The following PCGF3 variants were observed in gnomAD, a reference collection of about 807,000 sequenced individuals.
PCGF3 encodes polycomb group ring finger 3, also known as polycomb group RING finger protein 3.
In PCGF3, 7 loss-of-function variants were observed where a neutral mutation model predicts 33.1. The observed-to-expected ratio is 0.21, with a 90% confidence interval of 0.12 to 0.40. PCGF3 has a LOEUF of 0.40. Ranked by LOEUF, PCGF3 falls within the 10% of genes least tolerant of loss-of-function variation. The pLI is 1.00. For synonymous variants in PCGF3, 153 were observed against 121.3 expected (o/e 1.26, Z -1.72); for missense variants, 211 against 313.3 (o/e 0.67, Z 2.46).
At position 751,420 on chromosome 4, in the gene PCGF3, T is replaced by A. The variant is rs113744523; in HGVS notation, c.462+6732T>A. Among the ~76,000 whole-genome samples the A allele has an allele frequency of 3.3e-4, 51 of 152,254 alleles. 1 individual carries two copies. The highest frequency in any genetic ancestry group is 1.2e-3 in the African/African-American group (50 of 41,542). ...TTTGTGGCCGTTTCTGGTGTCTTCCTGGTGTGTTTGGATTTGTGCTTCGCC... is the reference window on the plus strand; with the variant it reads ...TTTGTGGCCGTTTCTGGTGTCTTCCAGGTGTGTTTGGATTTGTGCTTCGCC... On this transcript the variant is annotated intron_variant, in intron 8 of 10. Transcript: ENST00000362003.
intron 3 of PCGF3, chr4:732,335 T>TCCTCCTCTCCCTTCCCTTCC (rs1743619244): frequency 1.3e-5 from 1 of 77,906 alleles, no homozygotes; most frequent in Non-Finnish European, 3.1e-5. Context: ...TCCCCTTCCC[T>TCCTCCTCTCCCTTCCCTTCC]CCTCCCCTCC....
In PCGF3 at chr4:723,265, G is replaced by C. The variant is rs576170839; in HGVS notation, c.-189-7365G>C. ...AGGCTCCTAGCCGCTGCAGTTGCCG[G>C]GAGCCATGGAGCCACGTGACCTTGA... On this transcript the variant is annotated intron_variant, in intron 1 of 10. Coordinates refer to ENST00000362003, the Ensembl canonical transcript of PCGF3. Among the ~76,000 whole-genome samples the C allele has an allele frequency of 3.2e-4, 49 of 152,358 alleles. 1 individual carries two copies. The South Asian group carries it at 0.01, about 32-fold the overall frequency.
At chr4:731,189 C>A (rs1428107975) in intron 3 of PCGF3, 79 bp downstream of exon 3, 1 of 398,456 alleles carries the variant, frequency 2.5e-6, no homozygotes, top group Non-Finnish European at 4.4e-6. Context: ...CGAGGGCCGG[C>A]GATCATTAGG....
At chr4:734,538 T>C in intron 4 of PCGF3, 1 of 1,177,430 alleles carries the variant, frequency 8.5e-7, no homozygotes. Flanking sequence ...TATGTTAGGT[T>C]ATTTTCATTT....
chr4:737,467 C>T, exon 6 of PCGF3: 3 of 1,604,112 alleles, frequency 1.9e-6, no homozygotes, highest in Non-Finnish European at 2.6e-6. Context: ...TTTTGCCAGT[C>T]ATGACAGAAC....
chr4:761,404 A>G (rs2152621584), exon 9 of PCGF3: 1 of 1,608,068 alleles, frequency 6.2e-7, no homozygotes, highest in African/African-American at 1.3e-5. Flanking sequence ...TCAACCTTTC[A>G]TCCTTTAACG....
chr4:708,610 C>T (rs1481501273), intron 1 of PCGF3, among the ~76,000 whole-genome samples: 1 of 152,212 alleles, frequency 6.6e-6, no homozygotes, highest in Non-Finnish European at 1.5e-5. Context: ...CTCAGGCTGG[C>T]ACTGCACCCT....
chr4:725,982 C>T (rs575699300), intron 1 of PCGF3, among the ~76,000 whole-genome samples: 2 of 152,280 alleles, frequency 1.3e-5, no homozygotes, highest in South Asian at 2.1e-4. Context: ...GTCGTCCCAG[C>T]CTCTTCCGAG....
At chr4:725,802 T>C (rs1012967561) in intron 1 of PCGF3, among the ~76,000 whole-genome samples, 6 of 152,150 alleles carry the variant, frequency 3.9e-5, no homozygotes, top group Non-Finnish European at 7.4e-5. Flanking sequence ...CTGCCCCTCC[T>C]GTCCAGCCTC....
rs1745026152 is a variant in PCGF3, at chr4:761,026, C to T, written c.463-253C>T. On this transcript the variant is annotated intron_variant, in intron 8 of 10. Coordinates refer to ENST00000362003, the Ensembl canonical transcript of PCGF3. Reference sequence around the variant, plus strand: ...GATAAGTAACTGTGGGATTAACTCTCAACTATTATGTTAATAACACAGAAT... The same window carrying T: ...GATAAGTAACTGTGGGATTAACTCTTAACTATTATGTTAATAACACAGAAT... 2.0e-5 allele frequency among the ~76,000 whole-genome samples: 3 copies of T among 152,192 alleles called. No individual in the cohort carries two copies. The South Asian group carries it at 6.2e-4, about 32-fold the overall frequency.
chr4:764,832 A>G, intron 9 of PCGF3, 152 bp from the exon 10 acceptor site: 1 of 608,362 alleles, frequency 1.6e-6, no homozygotes, highest in Non-Finnish European at 3.0e-6. Context: ...GTAGGGATGG[A>G]GGAATACATG....
chr4:764,822 G>A (rs1745272549), intron 9 of PCGF3, 162 bp from the exon 10 acceptor site: 6 of 596,824 alleles, frequency 1.0e-5, no homozygotes, highest in South Asian at 9.9e-5. Flanking sequence ...AGGCTGTGAG[G>A]TAGGGATGGA....
At position 743,440 on chromosome 4, in the gene PCGF3, G is replaced by C. The variant is rs1339714857; in HGVS notation, c.263-34G>C. ...AGAAGTTTAATAGAATCCACTGCCTGTGAGATGAAAGACTGTGTGTTGATT... is the reference window on the plus strand; with the variant it reads ...AGAAGTTTAATAGAATCCACTGCCTCTGAGATGAAAGACTGTGTGTTGATT... On this transcript the variant is annotated intron_variant, in intron 6 of 10. Coordinates refer to ENST00000362003, the Ensembl canonical transcript of PCGF3. The C allele has an allele frequency of 2.0e-5, 25 of 1,255,438 alleles. No individual in the cohort carries two copies. In the East Asian group the frequency reaches 4.9e-4, roughly 24 times the overall value. 77.8% of individuals were successfully genotyped at this position (1,255,438 alleles called of 1,614,324 possible). A position where few individuals can be genotyped will look rare whatever the true frequency, so the allele number is the denominator to read the frequency against.
chr4:725,540 C>G (rs866644726), intron 1 of PCGF3, among the ~76,000 whole-genome samples: 3 of 132,848 alleles, frequency 2.3e-5, no homozygotes, highest in African/African-American at 5.3e-5. Context: ...CCGAGGGCTG[C>G]TGTGGGCTCT....
intron 6 of PCGF3, among the ~76,000 whole-genome samples, chr4:738,537 C>T (rs1457904063): frequency 4.6e-5 from 7 of 152,012 alleles, no homozygotes; most frequent in East Asian, 1.9e-4. Context: ...TTGTGACCCC[C>T]GCCAGTGCTG....
At chr4:722,232 A>G in intron 1 of PCGF3, 1 of 158,290 alleles carries the variant, frequency 6.3e-6, no homozygotes, top group Non-Finnish European at 1.4e-5. Flanking sequence ...TTCGCTTTGC[A>G]CATCATACTG....
intron 8 of PCGF3, among the ~76,000 whole-genome samples, chr4:753,827 A>G (rs1744642440): frequency 6.6e-6 from 1 of 151,112 alleles, no homozygotes; most frequent in Non-Finnish European, 1.5e-5. Context: ...GGGTGCCTGT[A>G]ATCCCAGCTA....
At chr4:736,646 CCG>C (rs1743844936) in intron 5 of PCGF3, among the ~76,000 whole-genome samples, 1 of 106,032 alleles carries the variant, frequency 9.4e-6, no homozygotes, top group African/African-American at 3.9e-5. Context: ...TGCAGGGAAC[CCG>C]TGGTGTCCAC....
intron 4 of PCGF3, chr4:734,196 G>T: frequency 6.5e-7 from 1 of 1,533,372 alleles, no homozygotes; most frequent in South Asian, 1.2e-5. Context: ...CTGTGCTTTG[G>T]TGTTAGAGGA....
Sources: allele counts gnomAD v4.1 joint callset (sites outside exome capture counted in the v4.1 genomes callset), GRCh38; gene constraint gnomAD v4.1.1; transcripts MANE v1.5; gene names NCBI Gene and HGNC (gene_info 2026-07-23, HGNC 2026-07-21).